The following ATCAY variants were observed in gnomAD, a reference collection of about 807,000 sequenced individuals.
ATCAY encodes the protein ATCAY kinesin light chain interacting caytaxin.
In ATCAY, 22 loss-of-function variants were observed where a neutral mutation model predicts 47.7. The ratio of observed to expected loss-of-function variants is 0.46; its 90% CI spans 0.33 to 0.66. The LOEUF is 0.66. Among genes scored for constraint, ATCAY ranks in the 30% least tolerant of loss-of-function variants. ATCAY has a pLI of 0.02. For missense variants in ATCAY, 452 were observed against 515.0 expected (o/e 0.88, Z 1.18); for synonymous variants, 216 against 207.6 (o/e 1.04, Z -0.35).
chr19:3,918,175 A>C (rs933385811), intron 10 of ATCAY, among the ~76,000 whole-genome samples: 2 of 152,052 alleles, frequency 1.3e-5, no homozygotes, highest in Non-Finnish European at 2.9e-5. Flanking sequence ...GTGTGAGGTC[A>C]GGAGTTGGAG....
At chr19:3,887,715 T>C (rs985067721) in intron 2 of ATCAY, among the ~76,000 whole-genome samples, 14 of 150,346 alleles carry the variant, frequency 9.3e-5, no homozygotes, top group Non-Finnish European at 1.0e-4. Context: ...CTCGATCGTC[T>C]GACCTCGTGA....
At position 3,883,855 on chromosome 19, in the gene ATCAY, G is replaced by T. The variant is rs568226241; in HGVS notation, c.-41-1872G>T. ...ACAGAAAGGGAAACTGAGACCCAGA[G>T]AGGGAGATGGTCTGAGAGTCTGCCA... On this transcript the variant is annotated intron_variant, in intron 1 of 12. Coordinates refer to ENST00000450849, the MANE Select transcript of ATCAY (RefSeq NM_033064.5). Among the ~76,000 whole-genome samples, 8 of 152,276 alleles carry T rather than the reference G, an allele frequency of 5.3e-5. 1 individual carries two copies. In the East Asian group the frequency reaches 1.5e-3, roughly 29 times the overall value.
intron 7 of ATCAY, 81 bp downstream of exon 7, chr19:3,909,698 AT>A: frequency 6.5e-7 from 1 of 1,526,758 alleles, no homozygotes; most frequent in Non-Finnish European, 8.8e-7. Flanking sequence ...CACACCTGGA[AT>A]CCCAGCACTT....
Position 3,928,021 on chromosome 19 carries a change from G to A in ATCAY, c.*3429G>A, listed in dbSNP as rs2039083478. 6.6e-6 allele frequency: 1 copy of A among 152,216 alleles called. No homozygotes were observed. Among genetic ancestry groups the A allele is most frequent in the Admixed American group, 6.5e-5 (1 of 15,270 alleles). The allele number at this position is 152,216 out of a possible 1,614,324, so 9.4% of individuals were successfully genotyped here. ...CGATTGACGACGGTCGTGATGTTAA[G>A]ACGTCGTCTCCATGAGCTTTGGGGG... is the stretch of plus-strand genomic sequence containing the variant. On this transcript the variant is annotated 3_prime_UTR_variant, in exon 13 of 13. Transcript: ENST00000450849.
rs370876110 is a variant in ATCAY at position 3,909,633 on chromosome 19, C to A, written c.779+16C>A. 6.8e-5 allele frequency: 106 copies of A among 1,567,000 alleles called. No homozygotes were observed. The African/African-American group carries it at 1.3e-3, about 19-fold the overall frequency. Reference sequence around the variant, plus strand: ...TCGACCGGAGGTGAGGTGGGGATGCCTCAGGAAGCACAGTGGGGGCATGAA... The same window carrying A: ...TCGACCGGAGGTGAGGTGGGGATGCATCAGGAAGCACAGTGGGGGCATGAA... On this transcript the variant is annotated intron_variant, in intron 7 of 12. Coordinates refer to ENST00000450849, the MANE Select transcript of ATCAY (RefSeq NM_033064.5).
At position 3,885,786 on chromosome 19, in the gene ATCAY, A is replaced by T; in HGVS notation, c.19A>T (p.Thr7Ser). The change falls in exon 2 of 13, where the codon ACG (threonine) becomes TCG (serine). Residue 7 changes from threonine (T) to serine (S), a missense_variant. Transcript: ENST00000450849. ...AGCTCCCATGGGGACCACCGAAGCC[A>T]CGCTCCGGATGGAAAACGTGGACGT... MGTTEA[T>S]LRMENVDVKE... The T allele has an allele frequency of 1.9e-6, 3 of 1,551,644 alleles. No individual in the cohort carries two copies. The highest frequency in any genetic ancestry group is 2.6e-6 in the Non-Finnish European group (3 of 1,147,306).
chr19:3,908,459 G>A, intron 6 of ATCAY, 89 bp downstream of exon 6: 5 of 1,197,464 alleles, frequency 4.2e-6, no homozygotes, highest in Non-Finnish European at 6.1e-6. Flanking sequence ...TTGCATTGTG[G>A]CCCTAGGAAG....
chr19:3,888,811 CT>C (rs536108632), intron 2 of ATCAY, among the ~76,000 whole-genome samples: 31 of 152,238 alleles, frequency 2.0e-4, no homozygotes, highest in Middle Eastern at 6.8e-3. Flanking sequence ...CGAGAGCTTC[CT>C]TCCCATTCAT....
intron 2 of ATCAY, among the ~76,000 whole-genome samples, chr19:3,887,697 A>G (rs989300146): frequency 1.1e-4 from 17 of 150,180 alleles, no homozygotes; most frequent in Admixed American, 2.6e-4. Context: ...CATGTTAGCC[A>G]GGATGGTCTC....
At chr19:3,904,350 A>T (rs1207635512) in intron 3 of ATCAY, among the ~76,000 whole-genome samples, 1 of 152,118 alleles carries the variant, frequency 6.6e-6, no homozygotes, top group Non-Finnish European at 1.5e-5. Context: ...AAATAAAACA[A>T]AATAAATTAG....
intron 2 of ATCAY, among the ~76,000 whole-genome samples, chr19:3,896,414 C>T (rs1407838985): frequency 6.6e-6 from 1 of 151,746 alleles, no homozygotes; most frequent in Admixed American, 6.6e-5. Flanking sequence ...ATTACAGGCA[C>T]GTGCCACCAC....
intron 8 of ATCAY, among the ~76,000 whole-genome samples, chr19:3,911,507 G>T (rs1014757955): frequency 1.3e-5 from 2 of 151,906 alleles, no homozygotes; most frequent in African/African-American, 4.8e-5. Flanking sequence ...CTGGGAGACA[G>T]AGCAAAACAA....
rs761957340 is a variant in ATCAY, at chr19:3,905,633, T to C, written c.336T>C (p.Asn112=). ...DETDSLEFLG[N]GNELEWEDDT... is the part of the protein sequence containing the mutation. ...CCGACTCGCTGGAGTTCCTGGGGAA[T>C]GGCAACGAACTGGAGTGGGAAGGTA... is the stretch of plus-strand genomic sequence containing the variant. The change falls in exon 4 of 13, where the codon AAT becomes AAC. Residue 112 remains asparagine (N), a synonymous_variant. Coordinates refer to ENST00000450849, the MANE Select transcript of ATCAY (RefSeq NM_033064.5). 1.9e-6 allele frequency: 3 copies of C among 1,613,302 alleles called. No individual in the cohort carries two copies. The highest frequency in any genetic ancestry group is 2.5e-6 in the Non-Finnish European group (3 of 1,179,762).
intron 7 of ATCAY, among the ~76,000 whole-genome samples, chr19:3,910,348 C>T (rs1249414347): frequency 6.6e-6 from 1 of 152,104 alleles, no homozygotes. Flanking sequence ...TTGTCCATTC[C>T]ATTCATCTCT....
intron 7 of ATCAY, 134 bp from the exon 8 acceptor site, chr19:3,910,669 C>A: frequency 1.2e-6 from 1 of 839,264 alleles, no homozygotes; most frequent in Non-Finnish European, 1.9e-6. Context: ...AGGGATTTGA[C>A]AGGTACCTGG....
chr19:3,917,760 G>A lies in ATCAY; in HGVS notation c.984G>A (p.Leu328=). Residue 328 remains leucine, a synonymous_variant, in exon 10 of 13, where the codon CTG becomes CTA. Transcript: ENST00000450849. ...DCVLQYEEER[L]KARRESARPQ... Reference sequence around the variant, plus strand: ...CTTTCAGATACGAAGAGGAAAGACTGAAGGCCAGGAGGGAGAGGTGTGTGC... The same window carrying A: ...CTTTCAGATACGAAGAGGAAAGACTAAAGGCCAGGAGGGAGAGGTGTGTGC... 1.2e-6 allele frequency: 2 copies of A among 1,613,398 alleles called. No homozygotes were observed. Among genetic ancestry groups the A allele is most frequent in the Non-Finnish European group, 1.7e-6 (2 of 1,179,672 alleles).
intron 3 of ATCAY, among the ~76,000 whole-genome samples, chr19:3,904,023 C>T (rs2038838967): frequency 6.6e-6 from 1 of 151,016 alleles, no homozygotes; most frequent in Non-Finnish European, 1.5e-5. Context: ...CATTGTGGCA[C>T]TTGCCTGTAA....
intron 2 of ATCAY, among the ~76,000 whole-genome samples, chr19:3,896,576 T>G (rs2038772346): frequency 6.6e-6 from 1 of 151,506 alleles, no homozygotes; most frequent in Non-Finnish European, 1.5e-5. Context: ...CTGAGATGCT[T>G]TCTACAGCTT....
At chr19:3,923,989 T>C in intron 12 of ATCAY, among the ~76,000 whole-genome samples, 1 of 149,470 alleles carries the variant, frequency 6.7e-6, no homozygotes, top group Admixed American at 6.7e-5. Context: ...GATGGATGGA[T>C]GGATGGATGG....
Sources: allele counts gnomAD v4.1 joint callset (sites outside exome capture counted in the v4.1 genomes callset), GRCh38; gene constraint gnomAD v4.1.1; transcripts MANE v1.5; gene names NCBI Gene and HGNC (gene_info 2026-07-23, HGNC 2026-07-21).